The following MGAT4C variants were observed in gnomAD, a reference collection of about 807,000 sequenced individuals.
MGAT4C encodes alpha-1,3-mannosyl-glycoprotein 4-beta-N-acetylglucosaminyltransferase C.
In MGAT4C, 19 loss-of-function variants were observed where a neutral mutation model predicts 40.1. The observed-to-expected ratio is 0.47, with a 90% CI of 0.33 to 0.70. The LOEUF is 0.70. Ranked by LOEUF, MGAT4C falls within the 30% of genes least tolerant of loss-of-function variation. The pLI is 0.02. For synonymous variants in MGAT4C, 181 were observed against 187.1 expected (o/e 0.97, Z 0.27); for missense variants, 491 against 563.2 (o/e 0.87, Z 1.30).
At chr12:86,487,031 C>A (rs1290197730) in intron 2 of MGAT4C, among the ~76,000 whole-genome samples, 1 of 152,180 alleles carries the variant, frequency 6.6e-6, no homozygotes, top group Non-Finnish European at 1.5e-5. Context: ...GGTGTATAAA[C>A]TGAAGTTCCA....
intron 2 of MGAT4C, among the ~76,000 whole-genome samples, chr12:86,501,364 A>T (rs1015625608): frequency 7.9e-5 from 12 of 152,026 alleles, no homozygotes; most frequent in Admixed American, 5.9e-4. Context: ...TCTAAAGTGC[A>T]TGTGCAAGAA....
intron 2 of MGAT4C, among the ~76,000 whole-genome samples, chr12:86,660,331 T>A (rs984273802): frequency 6.6e-6 from 1 of 152,114 alleles, no homozygotes; most frequent in Non-Finnish European, 1.5e-5. Context: ...AATGTGGAAT[T>A]CAGAAAGAAA....
At chr12:86,142,847 C>T (rs991770924) in intron 1 of MGAT4C, among the ~76,000 whole-genome samples, 2 of 151,738 alleles carry the variant, frequency 1.3e-5, no homozygotes, top group Non-Finnish European at 2.9e-5. Flanking sequence ...GCTCTAACCA[C>T]CAATGCAACT....
chr12:86,222,080 A>G (rs898719938), intron 1 of MGAT4C, among the ~76,000 whole-genome samples: 1 of 152,222 alleles, frequency 6.6e-6, no homozygotes, highest in Non-Finnish European at 1.5e-5. Flanking sequence ...GTTCTAGTAC[A>G]TATCATACAG....
chr12:86,014,700 C>T (rs958679888), intron 2 of MGAT4C, among the ~76,000 whole-genome samples: 2 of 151,808 alleles, frequency 1.3e-5, no homozygotes, highest in African/African-American at 2.4e-5. Context: ...AATGCCCCCT[C>T]GAAAGTATGT....
At chr12:86,113,980 A>G (rs996349909) in intron 1 of MGAT4C, among the ~76,000 whole-genome samples, 4 of 151,896 alleles carry the variant, frequency 2.6e-5, no homozygotes, top group Non-Finnish European at 5.9e-5. Flanking sequence ...AGTCCAAAGC[A>G]TGCTGTCACC....
intron 2 of MGAT4C, among the ~76,000 whole-genome samples, chr12:86,017,395 G>A (rs189181247): frequency 3.0e-4 from 46 of 152,148 alleles, no homozygotes; most frequent in African/African-American, 1.0e-3. Flanking sequence ...AAATGCAAAT[G>A]AGCACATCAA....
chr12:86,133,590 A>T (rs536894541), intron 1 of MGAT4C, among the ~76,000 whole-genome samples: 131 of 152,292 alleles, frequency 8.6e-4, no homozygotes, highest in Admixed American at 3.3e-3. Flanking sequence ...GTCAGTATTT[A>T]TTGCACTAAC....
intron 2 of MGAT4C, among the ~76,000 whole-genome samples, chr12:86,698,361 T>TTG (rs1252864868): frequency 5.3e-5 from 8 of 151,766 alleles, no homozygotes; most frequent in Admixed American, 2.0e-4. Flanking sequence ...GTATGTGTGT[T>TTG]TGTGTGTGTG....
chr12:86,638,983 AT>A (rs1963301835), intron 2 of MGAT4C, among the ~76,000 whole-genome samples: 1 of 151,842 alleles, frequency 6.6e-6, no homozygotes, highest in South Asian at 2.1e-4. Flanking sequence ...AAAAAATGTC[AT>A]TTTAAAAAAT....
At chr12:86,746,952 G>T (rs1197584945) in intron 1 of MGAT4C, among the ~76,000 whole-genome samples, 3 of 151,570 alleles carry the variant, frequency 2.0e-5, no homozygotes, top group Non-Finnish European at 3.0e-5. Flanking sequence ...GTCCTATTCA[G>T]AATTGCGTTC....
chr12:86,426,657 AAAGAG>A (rs1399186996), intron 3 of MGAT4C, among the ~76,000 whole-genome samples: 1 of 152,124 alleles, frequency 6.6e-6, no homozygotes, highest in African/African-American at 2.4e-5. Flanking sequence ...TTCAAGATAA[AAAGAG>A]AAGGGCCGGG....
At position 85,961,305 on chromosome 12, in the gene MGAT4C, C is replaced by A. The variant is rs1427855526; in HGVS notation, c.*17984G>T. On this transcript the variant is annotated 3_prime_UTR_variant, in exon 5 of 5. Transcript: ENST00000611864. The stretch of plus-strand genomic sequence containing the variant: ...AAAACACATTAAATGATCAAATAAT[C>A]TTTTATGAGCTCAGAAAAAAATGCC... The A allele has an allele frequency of 6.6e-6, 1 of 151,778 alleles. No individual in the cohort carries two copies. The highest frequency in any genetic ancestry group is 1.9e-4 in the East Asian group (1 of 5,186). The allele number at this position is 151,778 out of a possible 1,614,324, so 9.4% of individuals were successfully genotyped here.
At chr12:86,622,939 G>A (rs1384167091) in intron 2 of MGAT4C, among the ~76,000 whole-genome samples, 4 of 151,960 alleles carry the variant, frequency 2.6e-5, no homozygotes, top group Non-Finnish European at 4.4e-5. Context: ...ACATAAACAA[G>A]AAAGCTATAA....
chr12:86,644,314 T>C (rs995313397), intron 2 of MGAT4C, among the ~76,000 whole-genome samples: 41 of 151,892 alleles, frequency 2.7e-4, no homozygotes, highest in African/African-American at 9.9e-4. Flanking sequence ...GATATTCAAA[T>C]GTCAGATATA....
At chr12:86,599,214 G>T (rs777215440) in intron 2 of MGAT4C, among the ~76,000 whole-genome samples, 4 of 152,018 alleles carry the variant, frequency 2.6e-5, no homozygotes, top group Non-Finnish European at 4.4e-5. Flanking sequence ...TCATATGTCA[G>T]ATATGAATAA....
chr12:86,034,912 T>A (rs1384212686), intron 2 of MGAT4C, among the ~76,000 whole-genome samples: 1 of 150,102 alleles, frequency 6.7e-6, no homozygotes, highest in African/African-American at 2.4e-5. Context: ...CATGAACTCA[T>A]CCTTTTTTAT....
Position 85,966,147 on chromosome 12 carries a change from A to G in MGAT4C, c.*13142T>C, listed in dbSNP as rs1175600110. 6.6e-6 allele frequency: 1 copy of G among 152,228 alleles called. No homozygotes were observed. The highest frequency in any genetic ancestry group is 1.5e-5 in the Non-Finnish European group (1 of 68,034). The allele number at this position is 152,228 out of a possible 1,614,324, so 9.4% of individuals were successfully genotyped here. A position where few individuals can be genotyped will look rare whatever the true frequency, so the allele number is the denominator to read the frequency against. ...TACTATTAAAAATCTAAACAATAAT[A>G]ACCAGATGGAGGAAAATGATACCAT... On this transcript the variant is annotated 3_prime_UTR_variant, in exon 5 of 5. Coordinates refer to ENST00000611864, the MANE Select transcript of MGAT4C (RefSeq NM_001351288.2).
chr12:86,413,311 A>C (rs1956643085), intron 3 of MGAT4C, among the ~76,000 whole-genome samples: 1 of 152,164 alleles, frequency 6.6e-6, no homozygotes, highest in Non-Finnish European at 1.5e-5. Flanking sequence ...AATCTAAGTG[A>C]ATAGCTAATA....
Sources: allele counts gnomAD v4.1 joint callset (sites outside exome capture counted in the v4.1 genomes callset), GRCh38; gene constraint gnomAD v4.1.1; transcripts MANE v1.5; gene names NCBI Gene and HGNC (gene_info 2026-07-23, HGNC 2026-07-21).